CAPN2: variants seen among roughly 807,000 people sequenced by gnomAD.
CAPN2 encodes the protein calpain 2, also known as calpain-2 catalytic subunit.
A neutral mutation model predicts 102.3 loss-of-function variants in CAPN2; 92 were observed. The observed-to-expected ratio is 0.90, with a 90% CI of 0.76 to 1.07. The LOEUF (loss-of-function observed/expected upper bound fraction) is 1.07. CAPN2 is among the 50% of genes least tolerant of loss of function. The pLI is 0.00. For synonymous variants in CAPN2, 340 were observed against 355.4 expected (o/e 0.96, Z 0.49); for missense variants, 800 against 909.4 (o/e 0.88, Z 1.55).
At chr1:223,705,488 A>G (rs766632266) in intron 1 of CAPN2, among the ~76,000 whole-genome samples, 11 of 152,160 alleles carry the variant, frequency 7.2e-5, no homozygotes, top group Non-Finnish European at 1.3e-4. Context: ...GGACTTAGGG[A>G]TGAAAAAAAT....
At position 223,759,599 on chromosome 1, in the gene CAPN2, C is replaced by T. The variant is rs908851847; in HGVS notation, c.1529+118C>T. The T allele has an allele frequency of 1.4e-6, 1 of 734,632 alleles. No homozygotes were observed. Among genetic ancestry groups the T allele is most frequent in the Non-Finnish European group, 2.2e-6 (1 of 446,494 alleles). 45.5% of individuals were successfully genotyped at this position (734,632 alleles called of 1,614,324 possible). A position where few individuals can be genotyped will look rare whatever the true frequency, so the allele number is the denominator to read the frequency against. On this transcript the variant is annotated intron_variant, in intron 12 of 20. Coordinates refer to ENST00000295006, the MANE Select transcript of CAPN2 (RefSeq NM_001748.5). The surrounding 1 kb of genome is among the most constrained non-coding windows in gnomAD (Gnocchi z 4.6). ...ATGTCAGTTACTTTTTCTGTAACACCTGCCCACCTCGAAGGACTAGTGTGG... is the reference window on the plus strand; with the variant it reads ...ATGTCAGTTACTTTTTCTGTAACACTTGCCCACCTCGAAGGACTAGTGTGG...
chr1:223,740,483 TA>T (rs910590713), intron 2 of CAPN2, among the ~76,000 whole-genome samples: 1 of 152,152 alleles, frequency 6.6e-6, no homozygotes, highest in Non-Finnish European at 1.5e-5. Context: ...CCCGATTGGC[TA>T]ACAACTTAGA....
intron 20 of CAPN2, 37 bp downstream of exon 20, chr1:223,772,276 G>C (rs41315613): frequency 8.2e-6 from 13 of 1,584,982 alleles, no homozygotes; most frequent in Middle Eastern, 1.7e-4. Flanking sequence ...CTAAGGGGAT[G>C]GGGGAGGCAT....
chr1:223,748,981 G>A (rs1030785768), intron 5 of CAPN2, 58 bp from the exon 6 acceptor site: 1 of 1,483,004 alleles, frequency 6.7e-7, no homozygotes, highest in Non-Finnish European at 9.4e-7. Context: ...AGGGAGCGAG[G>A]GAGTCCGGGA....
At chr1:223,751,850 C>T in intron 7 of CAPN2, 147 bp from the exon 8 acceptor site, 1 of 631,932 alleles carries the variant, frequency 1.6e-6, no homozygotes, top group Non-Finnish European at 2.9e-6. Context: ...TATTAAAATG[C>T]AGCTGTTAGC....
chr1:223,706,071 G>A (rs188989837), intron 1 of CAPN2, among the ~76,000 whole-genome samples: 1 of 152,334 alleles, frequency 6.6e-6, no homozygotes, highest in African/African-American at 2.4e-5. Context: ...TGGGTGAGGG[G>A]CAGCAGCTTC....
chr1:223,751,972 CCT>C (rs1159626082), intron 7 of CAPN2, 23 bp from the exon 8 acceptor site: 1 of 1,520,632 alleles, frequency 6.6e-7, no homozygotes, highest in Non-Finnish European at 9.1e-7. Flanking sequence ...TACACTAACG[CCT>C]CTCTCTTTAC....
chr1:223,734,223 G>A (rs150058574), intron 2 of CAPN2, among the ~76,000 whole-genome samples: 192 of 151,674 alleles, frequency 1.3e-3, no homozygotes, highest in African/African-American at 4.1e-3. Context: ...GGCCACCCTC[G>A]TGTCACCAGC....
rs181831138 is a variant in CAPN2, at chr1:223,742,166, C to T, written c.308-1934C>T. 2.2e-3 allele frequency among the ~76,000 whole-genome samples: 337 copies of T among 152,026 alleles called. 2 individuals are homozygous for T. Among genetic ancestry groups the T allele is most frequent in the African/African-American group, 7.5e-3 (310 of 41,480 alleles). On this transcript the variant is annotated intron_variant, in intron 2 of 20. Coordinates refer to ENST00000295006, the MANE Select transcript of CAPN2 (RefSeq NM_001748.5). ...CAGCACTTTGGGAGTCTGAGGCAGG[C>T]GATCACCTGAGGTCAGGAGTTAAAG...
intron 3 of CAPN2, among the ~76,000 whole-genome samples, chr1:223,744,885 C>T (rs1462048617): frequency 7.4e-6 from 1 of 135,616 alleles, no homozygotes; most frequent in African/African-American, 3.6e-5. Context: ...CTACTAAAAA[C>T]ACAAAAAAAA....
Position 223,731,625 on chromosome 1 carries a change from A to C in CAPN2, c.308-12475A>C, listed in dbSNP as rs1000996405. ...AGCGCCAGTCTCCTCTAGACTGAGT[A>C]CAGGCCTGGCACGGAGCCAGGAATG... On this transcript the variant is annotated intron_variant, in intron 2 of 20. Transcript: ENST00000295006. This position sits in a 1 kb window ranked among gnomAD's most constrained non-coding sequence, Gnocchi z 4.2. Among the ~76,000 whole-genome samples the C allele has an allele frequency of 3.3e-5, 5 of 152,338 alleles. 1 individual carries two copies. Among genetic ancestry groups the C allele is most frequent in the Admixed American group, 6.5e-5 (1 of 15,302 alleles).
chr1:223,716,523 C>T (rs540577944), intron 1 of CAPN2, among the ~76,000 whole-genome samples: 30 of 152,116 alleles, frequency 2.0e-4, no homozygotes, highest in East Asian at 1.2e-3. Context: ...ATGTCCTCTG[C>T]GGCAGATGGT....
At position 223,731,970 on chromosome 1, in the gene CAPN2, G is replaced by A. The variant is rs1476259271; in HGVS notation, c.308-12130G>A. Among the ~76,000 whole-genome samples, 2 of 152,212 alleles carry A rather than the reference G, an allele frequency of 1.3e-5. No homozygotes were observed. Among genetic ancestry groups the A allele is most frequent in the Admixed American group, 6.5e-5 (1 of 15,278 alleles). The stretch of plus-strand genomic sequence containing the variant: ...GAAAGAACACTCAGTTGGAAAAAAA[G>A]GCAAGAGGGTTTTATTCCTGACCAG... On this transcript the variant is annotated intron_variant, in intron 2 of 20. Coordinates refer to ENST00000295006, the MANE Select transcript of CAPN2 (RefSeq NM_001748.5). The surrounding 1 kb of genome is among the most constrained non-coding windows in gnomAD (Gnocchi z 4.2).
At chr1:223,724,332 T>G (rs1660135620) in intron 2 of CAPN2, among the ~76,000 whole-genome samples, 1 of 152,042 alleles carries the variant, frequency 6.6e-6, no homozygotes, top group African/African-American at 2.4e-5. Context: ...ACTGTCTGGA[T>G]GATTGAGCCC....
At chr1:223,702,503 A>G (rs958968562) in intron 1 of CAPN2, among the ~76,000 whole-genome samples, 6 of 152,184 alleles carry the variant, frequency 3.9e-5, no homozygotes, top group Non-Finnish European at 8.8e-5. Context: ...AATAAACTAC[A>G]TTATATGGAG....
intron 2 of CAPN2, among the ~76,000 whole-genome samples, chr1:223,742,480 T>C (rs1660641544): frequency 7.1e-6 from 1 of 140,714 alleles, no homozygotes; most frequent in Non-Finnish European, 1.5e-5. Context: ...ATATATTACA[T>C]ATTTTATATA....
At chr1:223,715,390 C>T (rs1211335185) in intron 1 of CAPN2, among the ~76,000 whole-genome samples, 1 of 151,840 alleles carries the variant, frequency 6.6e-6, no homozygotes, top group Non-Finnish European at 1.5e-5. Flanking sequence ...ATGAGAACAA[C>T]TTGAATGTGT....
rs1458931228 is a variant in CAPN2 at position 223,755,019 on chromosome 1, C to A, written c.1136-461C>A. ...GAGAGAGAACTGCAAGAGAAAGTTT[C>A]TAATTTAGGTTCCTGTTAGATTCAG... is the stretch of plus-strand genomic sequence containing the variant. On this transcript the variant is annotated intron_variant, in intron 9 of 20. Coordinates refer to ENST00000295006, the MANE Select transcript of CAPN2 (RefSeq NM_001748.5). This position sits in a 1 kb window ranked among gnomAD's most constrained non-coding sequence, Gnocchi z 4.1. Among the ~76,000 whole-genome samples the A allele has an allele frequency of 3.3e-5, 5 of 152,148 alleles. No individual in the cohort carries two copies. Among genetic ancestry groups the A allele is most frequent in the Admixed American group, 3.3e-4 (5 of 15,282 alleles).
chr1:223,755,795 G>C lies in CAPN2; in HGVS notation c.1305+146G>C, dbSNP rs941296560. The C allele has an allele frequency of 1.1e-5, 9 of 822,762 alleles. No homozygotes were observed. The highest frequency in any genetic ancestry group is 1.7e-5 in the Non-Finnish European group (9 of 545,158). 51.0% of individuals were successfully genotyped at this position (822,762 alleles called of 1,614,324 possible). On this transcript the variant is annotated intron_variant, in intron 10 of 20. Coordinates refer to ENST00000295006, the MANE Select transcript of CAPN2 (RefSeq NM_001748.5). The surrounding 1 kb of genome is among the most constrained non-coding windows in gnomAD (Gnocchi z 4.1). The stretch of plus-strand genomic sequence containing the variant: ...AAAAACAAAACTACCAGCCTGGCCA[G>C]GCTCAGGAGTAGCCCCCGTAGGGAG...
Sources: gnomAD v4.1 joint callset for allele counts (sites outside exome capture counted in the v4.1 genomes callset) on GRCh38, gnomAD v4.1.1 for gene constraint, Gnocchi (gnomAD v3.1) non-coding constraint, MANE v1.5 for transcripts, NCBI Gene and HGNC (gene_info 2026-07-23, HGNC 2026-07-21) for gene names.